ACTR3C: variants seen among roughly 807,000 people sequenced by gnomAD.
ACTR3C encodes the protein actin-related protein 3C.
In ACTR3C, 18 loss-of-function variants were observed where a neutral mutation model predicts 26.3. The ratio of observed to expected loss-of-function variants is 0.68; its 90% CI spans 0.47 to 1.01. The LOEUF is 1.01. ACTR3C is among the 50% of genes least tolerant of loss of function. The pLI is 0.00. For synonymous variants in ACTR3C, 55 were observed against 94.5 expected, an observed-to-expected ratio of 0.58 and a Z score of 2.42; for missense variants, 184 against 250.7, an observed-to-expected ratio of 0.73 and a Z score of 1.80.
chr7:149,988,473 C>A, the ACTR3C span, among the ~76,000 whole-genome samples: 1 of 152,180 alleles, frequency 6.6e-6, no homozygotes, highest in South Asian at 2.1e-4. Context: ...TACTTTAGCA[C>A]CATGTAAATT....
the ACTR3C span, among the ~76,000 whole-genome samples, chr7:149,979,856 G>T: frequency 6.7e-6 from 1 of 149,694 alleles, no homozygotes; most frequent in South Asian, 2.1e-4. Flanking sequence ...GACTGGAGAA[G>T]AGAGGCCTTT....
the ACTR3C span, among the ~76,000 whole-genome samples, chr7:150,026,861 T>A: frequency 6.6e-6 from 1 of 152,156 alleles, no homozygotes; most frequent in African/African-American, 2.4e-5. Context: ...ACTGATCACA[T>A]AAAACACTTA....
the ACTR3C span, among the ~76,000 whole-genome samples, chr7:149,983,738 C>T: frequency 6.6e-6 from 1 of 151,814 alleles, no homozygotes; most frequent in South Asian, 2.1e-4. Flanking sequence ...TGCTCATTGA[C>T]AGATGAATGG....
intron 4 of ACTR3C, 119 bp from the exon 5 acceptor site, chr7:150,286,659 C>T (rs1318117038): frequency 4.4e-5 from 60 of 1,360,272 alleles, no homozygotes; most frequent in Non-Finnish European, 5.2e-5. Context: ...CCGCCCCCAC[C>T]GTTACTCTAG....
the ACTR3C span, among the ~76,000 whole-genome samples, chr7:150,156,809 C>T: frequency 1.2e-4 from 18 of 151,964 alleles, 1 homozygote; most frequent in African/African-American, 9.7e-5. Flanking sequence ...CCATTCCTTT[C>T]GCTCCAGGTA....
chr7:150,003,416 T>TG, the ACTR3C span, among the ~76,000 whole-genome samples: 1 of 151,652 alleles, frequency 6.6e-6, no homozygotes, highest in Non-Finnish European at 1.5e-5. Context: ...AAGTGTGGCA[T>TG]GTAGTGTGTT....
chr7:150,284,918 A>G (rs1306733752), intron 5 of ACTR3C, 73 bp from the exon 6 acceptor site: 14 of 1,369,218 alleles, frequency 1.0e-5, no homozygotes, highest in Non-Finnish European at 1.4e-5. Flanking sequence ...ACTCCTTTAA[A>G]GTAACTTTAA....
At chr7:150,293,708 G>A (rs1313812546) in intron 2 of ACTR3C, among the ~76,000 whole-genome samples, 3 of 152,236 alleles carry the variant, frequency 2.0e-5, no homozygotes, top group Admixed American at 6.5e-5. Flanking sequence ...GGCCAAGGTA[G>A]GCAGATCACT....
At chr7:150,019,343 C>A in the ACTR3C span, among the ~76,000 whole-genome samples, 1 of 149,856 alleles carries the variant, frequency 6.7e-6, no homozygotes, top group Non-Finnish European at 1.5e-5. Context: ...CCTGTAATCC[C>A]GACACTTTGG....
chr7:150,029,405 A>AAC, the ACTR3C span, among the ~76,000 whole-genome samples: 4 of 95,904 alleles, frequency 4.2e-5, no homozygotes, highest in Admixed American at 8.9e-5. Context: ...ATCAAAAACA[A>AAC]AAAAAAAAAA....
At chr7:150,162,662 A>G in the ACTR3C span, among the ~76,000 whole-genome samples, 3 of 152,164 alleles carry the variant, frequency 2.0e-5, no homozygotes, top group Admixed American at 1.3e-4. Context: ...CACCATCCTA[A>G]TATTTTTCTC....
At chr7:150,248,477 A>C (rs968164727) in intron 7 of ACTR3C, 5 of 152,238 alleles carry the variant, frequency 3.3e-5, no homozygotes, top group African/African-American at 1.2e-4. Flanking sequence ...CCTGGCCAAC[A>C]TGGTGAAACC....
chr7:149,981,706 T>C, the ACTR3C span, among the ~76,000 whole-genome samples: 2 of 151,890 alleles, frequency 1.3e-5, no homozygotes, highest in African/African-American at 4.8e-5. Flanking sequence ...ACCGCAGCAC[T>C]GTTCCAAGGG....
At chr7:150,021,134 A>G in the ACTR3C span, among the ~76,000 whole-genome samples, 80 of 151,716 alleles carry the variant, frequency 5.3e-4, no homozygotes, top group African/African-American at 1.9e-3. Flanking sequence ...TTTTTTTAAA[A>G]AAAATATTTT....
the ACTR3C span, among the ~76,000 whole-genome samples, chr7:150,142,241 C>G: frequency 3.9e-5 from 6 of 152,168 alleles, no homozygotes; most frequent in African/African-American, 1.2e-4. Flanking sequence ...CCCAGCCTGC[C>G]TTGCAGCTGG....
the ACTR3C span, among the ~76,000 whole-genome samples, chr7:150,097,751 G>A: frequency 1.3e-5 from 2 of 151,442 alleles, no homozygotes; most frequent in Admixed American, 1.3e-4. Flanking sequence ...AGGAGACAGT[G>A]ACAGACTCAA....
the ACTR3C span, among the ~76,000 whole-genome samples, chr7:149,980,121 A>C: frequency 6.6e-6 from 1 of 152,264 alleles, no homozygotes; most frequent in Non-Finnish European, 1.5e-5. Flanking sequence ...GCTTGATTAA[A>C]AACTAAGCAA....
At chr7:150,035,017 AGGGGG>A in the ACTR3C span, among the ~76,000 whole-genome samples, 11 of 132,040 alleles carry the variant, frequency 8.3e-5, no homozygotes, top group Non-Finnish European at 1.6e-4. Flanking sequence ...CCTCAGAGCC[AGGGGG>A]GGAAGAGGGA....
At chr7:149,954,351 A>C in the ACTR3C span, among the ~76,000 whole-genome samples, 2 of 152,204 alleles carry the variant, frequency 1.3e-5, no homozygotes, top group Non-Finnish European at 2.9e-5. Flanking sequence ...GATGCAATGA[A>C]TAAATGGTTT....
Sources: gnomAD v4.1 joint callset for allele counts (sites outside exome capture counted in the v4.1 genomes callset) on GRCh38, gnomAD v4.1.1 for gene constraint, MANE v1.5 for transcripts, NCBI Gene and HGNC (gene_info 2026-07-23, HGNC 2026-07-21) for gene names.